Variants in PPP2R3B observed in about 807,000 individuals in gnomAD.
PPP2R3B encodes serine/threonine-protein phosphatase 2A regulatory subunit B'' subunit beta.
In PPP2R3B, 68 loss-of-function variants were observed where a neutral mutation model predicts 72.9. That is an observed-to-expected ratio of 0.93 (90% CI 0.77 to 1.14). PPP2R3B has a LOEUF of 1.14. Among genes scored for constraint, PPP2R3B ranks in the 50% most tolerant of loss-of-function variants. The pLI, the probability that PPP2R3B is intolerant of heterozygous loss-of-function variation, is 0.00. For missense variants in PPP2R3B, 1,018 were observed against 842.0 expected (o/e 1.21, Z -2.59); for synonymous variants, 466 against 375.8 (o/e 1.24, Z -2.78).
At chrX:358,035 G>T (rs1302950725) in intron 2 of PPP2R3B, among the ~76,000 whole-genome samples, 2 of 152,166 alleles carry the variant, frequency 1.3e-5, no homozygotes, top group Admixed American at 6.5e-5. Flanking sequence ...GCCGGCCAAA[G>T]TCCACCCGCC....
chrX:383,864 A>C (rs2072183172), intron 1 of PPP2R3B, among the ~76,000 whole-genome samples: 1 of 146,742 alleles, frequency 6.8e-6, no homozygotes, highest in African/African-American at 2.5e-5. Flanking sequence ...AAAAAAAAAA[A>C]AAACCAAAAA....
chrX:369,765 AGAG>A (rs1462911411), intron 1 of PPP2R3B, among the ~76,000 whole-genome samples: 2 of 152,222 alleles, frequency 1.3e-5, no homozygotes, highest in Non-Finnish European at 2.9e-5. Context: ...TCAAAGCCAC[AGAG>A]GAGGTGCCGG....
chrX:360,714 T>C (rs1245436176), intron 2 of PPP2R3B, among the ~76,000 whole-genome samples: 1 of 152,078 alleles, frequency 6.6e-6, no homozygotes, highest in African/African-American at 2.4e-5. Flanking sequence ...CGACTCCACC[T>C]GGAGGGTAGG....
chrX:357,833 G>GA (rs1289784351), intron 2 of PPP2R3B, among the ~76,000 whole-genome samples: 8 of 152,150 alleles, frequency 5.3e-5, no homozygotes, highest in African/African-American at 1.9e-4. Flanking sequence ...CGGCTTCAGA[G>GA]AAAACACAGA....
chrX:361,705 A>G (rs2071545392), intron 1 of PPP2R3B, 115 bp from the exon 2 acceptor site: 1 of 1,204,274 alleles, frequency 8.3e-7, no homozygotes, highest in Non-Finnish European at 1.2e-6. Context: ...ACCTGATCCC[A>G]GCCGGGAGAG....
intron 1 of PPP2R3B, among the ~76,000 whole-genome samples, chrX:381,067 TCAGGCATGAACCAC>T (rs2072114089): frequency 2.0e-5 from 3 of 151,834 alleles, no homozygotes; most frequent in Non-Finnish European, 4.4e-5. Context: ...AGCTGAGACT[TCAGGCATGAACCAC>T]CATGCCTGGC....
At chrX:346,834 C>T (rs2071226844) in intron 4 of PPP2R3B, 59 bp from the exon 5 acceptor site, 4 of 1,472,234 alleles carry the variant, frequency 2.7e-6, no homozygotes, top group East Asian at 2.4e-5. Context: ...GTGAGGTGTG[C>T]GGTGTGGACG....
rs779369245 is a variant in PPP2R3B at position 369,776 on chromosome X, C to T, written c.325-8186G>A. Among the ~76,000 whole-genome samples, 11 of 152,338 alleles carry T rather than the reference C, an allele frequency of 7.2e-5. No homozygotes were observed. In the South Asian group the frequency reaches 2.1e-3, roughly 29 times the overall value. On this transcript the variant is annotated intron_variant, in intron 1 of 12. Coordinates refer to ENST00000390665, the MANE Select transcript of PPP2R3B (RefSeq NM_013239.5). ...ACGATCAAAGCCACAGAGGAGGTGC[C>T]GGAGCAGCAGGGGGCCGGCGGAAGG...
chrX:341,750 C>A, intron 8 of PPP2R3B, 133 bp downstream of exon 8: 1 of 977,302 alleles, frequency 1.0e-6, no homozygotes, highest in Non-Finnish European at 1.6e-6. Flanking sequence ...GACACGTGCC[C>A]CCCTCGCCAG....
At chrX:354,247 T>C (rs192624279) in intron 2 of PPP2R3B, among the ~76,000 whole-genome samples, 16,746 of 56,612 alleles carry the variant, frequency 0.3, 1,470 homozygotes, top group Admixed American at 0.4. Flanking sequence ...ACCCAAACAC[T>C]GGGGGCTCAC....
chrX:334,462 G>T lies in PPP2R3B; in HGVS notation c.1633C>A (p.Leu545Met), dbSNP rs756405102. The stretch of plus-strand genomic sequence containing the variant: ...GCCTCGAAGAAGGGCCTCTGGGCCA[G>T]CGGGGAGCGCAGCGCACTCAGCTTC... ...EQKLSALRSP[L>M]AQRPFFEAPS... Residue 545 changes from leucine to methionine, a missense_variant, in exon 13 of 13, where the codon CTG (leucine) becomes ATG (methionine). Physicochemically the swap from Leu to Met is conservative, Grantham distance 15. Transcript: ENST00000390665. 6.3e-7 allele frequency: 1 copy of T among 1,595,038 alleles called. No homozygotes were observed. The highest frequency in any genetic ancestry group is 1.1e-5 in the South Asian group (1 of 89,756).
In PPP2R3B at chrX:371,032, C is replaced by G. The variant is rs767140172; in HGVS notation, c.325-9442G>C. Among the ~76,000 whole-genome samples, 4 of 152,168 alleles carry G rather than the reference C, an allele frequency of 2.6e-5. No individual in the cohort carries two copies. The East Asian group carries it at 7.8e-4, about 30-fold the overall frequency. ...TGTGTGGGGAGCGGGAGAGTCACTCCCCAGGCGGGGAGGGCCAGGCTAGGC... is the reference window on the plus strand; with the variant it reads ...TGTGTGGGGAGCGGGAGAGTCACTCGCCAGGCGGGGAGGGCCAGGCTAGGC... On this transcript the variant is annotated intron_variant, in intron 1 of 12. Coordinates refer to ENST00000390665, the MANE Select transcript of PPP2R3B (RefSeq NM_013239.5).
At chrX:352,283 G>C (rs984375042) in intron 2 of PPP2R3B, among the ~76,000 whole-genome samples, 9 of 152,242 alleles carry the variant, frequency 5.9e-5, no homozygotes, top group Admixed American at 6.5e-5. Context: ...CCGACTCCTT[G>C]TGGGGCCCGG....
At chrX:337,221 C>G (rs915645733) in intron 12 of PPP2R3B, 1 of 152,170 alleles carries the variant, frequency 6.6e-6, no homozygotes, top group Admixed American at 6.5e-5. Flanking sequence ...GCTGGGACTA[C>G]AGGCGCCCGC....
intron 1 of PPP2R3B, among the ~76,000 whole-genome samples, chrX:383,589 A>G (rs2072171592): frequency 6.6e-6 from 1 of 151,974 alleles, no homozygotes; most frequent in Admixed American, 6.6e-5. Context: ...TGTAATCCCA[A>G]AACTTTGGGA....
intron 2 of PPP2R3B, chrX:359,797 TA>T (rs755749551): frequency 2.0e-6 from 1 of 501,884 alleles, no homozygotes; most frequent in South Asian, 1.5e-5. Context: ...TATTAAAAGC[TA>T]AAATAACAAT....
intron 8 of PPP2R3B, 93 bp from the exon 9 acceptor site, chrX:341,489 G>GC (rs200690031): frequency 7.9e-6 from 10 of 1,259,600 alleles, no homozygotes; most frequent in South Asian, 2.4e-5. Flanking sequence ...GGTGAGGGGA[G>GC]CCCCCCGGGC....
At chrX:344,369 G>A (rs1306245336) in intron 7 of PPP2R3B, among the ~76,000 whole-genome samples, 2 of 152,202 alleles carry the variant, frequency 1.3e-5, no homozygotes, top group African/African-American at 2.4e-5. Context: ...CACCGTCGCC[G>A]TCAGCTTGGG....
intron 2 of PPP2R3B, among the ~76,000 whole-genome samples, chrX:351,046 G>C (rs931198483): frequency 2.0e-5 from 3 of 152,154 alleles, no homozygotes; most frequent in African/African-American, 7.2e-5. Context: ...GGGGCTGCGC[G>C]CCACAGCGGG....
Sources: gnomAD v4.1 joint callset for allele counts (sites outside exome capture counted in the v4.1 genomes callset) on GRCh38, gnomAD v4.1.1 for gene constraint, MANE v1.5 for transcripts, NCBI Gene and HGNC (gene_info 2026-07-23, HGNC 2026-07-21) for gene names.